The following CPS1 variants were observed in gnomAD, a reference collection of about 807,000 sequenced individuals.
The protein encoded by CPS1 is carbamoyl-phosphate synthase 1.
In CPS1, 109 loss-of-function variants were observed where a neutral mutation model predicts 174.6. The observed-to-expected ratio is 0.62, with a 90% CI of 0.53 to 0.73. CPS1 has a LOEUF of 0.73. CPS1 is among the 30% of genes least tolerant of loss of function. CPS1 has a pLI of 0.00. For missense variants in CPS1, 1,689 were observed against 1,821.9 expected, an observed-to-expected ratio of 0.93 and a Z score of 1.33; for synonymous variants, 637 against 632.0, an observed-to-expected ratio of 1.01 and a Z score of -0.12.
Position 210,663,216 on chromosome 2 carries a change from A to G in CPS1, c.4002+19A>G, listed in dbSNP as rs1430596417. On this transcript the variant is annotated intron_variant, in intron 33 of 37. Coordinates refer to ENST00000233072, the MANE Select transcript of CPS1 (RefSeq NM_001875.5). Reference sequence around the variant, plus strand: ...TGGAGAGGTAACTAGTTAATAATCCATGGAAGCTTTCATTAAATCTACTTT... The same window carrying G: ...TGGAGAGGTAACTAGTTAATAATCCGTGGAAGCTTTCATTAAATCTACTTT... 3 of 1,600,544 alleles carry G rather than the reference A, an allele frequency of 1.9e-6. No homozygotes were observed. Among genetic ancestry groups the G allele is most frequent in the African/African-American group, 2.7e-5 (2 of 74,584 alleles).
chr2:210,603,907 C>T (rs887789371), intron 16 of CPS1, among the ~76,000 whole-genome samples: 5 of 151,722 alleles, frequency 3.3e-5, no homozygotes, highest in South Asian at 2.1e-4. Context: ...TACATAAAAT[C>T]GAAGACTTCA....
intron 1 of CPS1, among the ~76,000 whole-genome samples, chr2:210,570,462 A>C (rs1227077691): frequency 1.3e-5 from 2 of 151,956 alleles, no homozygotes; most frequent in Non-Finnish European, 1.5e-5. Flanking sequence ...TAAAATGATC[A>C]GAAAGTGTCT....
chr2:210,489,654 A>C (rs1366012734), intron 1 of CPS1, among the ~76,000 whole-genome samples: 2 of 152,138 alleles, frequency 1.3e-5, no homozygotes, highest in East Asian at 3.8e-4. Flanking sequence ...AAACCAAAAA[A>C]ATCATAAAGT....
chr2:210,670,090 G>A (rs1701246764), intron 34 of CPS1, among the ~76,000 whole-genome samples: 1 of 152,110 alleles, frequency 6.6e-6, no homozygotes, highest in Admixed American at 6.6e-5. Context: ...AGTAGTGAGA[G>A]CTGGCTATTG....
chr2:210,513,047 TATATATATATGGAG>T (rs1267299178), intron 1 of CPS1, among the ~76,000 whole-genome samples: 2 of 12,768 alleles, frequency 1.6e-4, no homozygotes, highest in Admixed American at 1.0e-3. Flanking sequence ...TATATGGAGA[TATATATATATGGAG>T]ATATATATGT....
intron 6 of CPS1, among the ~76,000 whole-genome samples, chr2:210,585,499 A>G (rs747927229): frequency 6.6e-6 from 1 of 151,974 alleles, no homozygotes; most frequent in Non-Finnish European, 1.5e-5. Context: ...ATTATATGAG[A>G]TGGGTATTAT....
chr2:210,594,092 T>A (rs1274792455), intron 11 of CPS1, among the ~76,000 whole-genome samples: 2 of 151,868 alleles, frequency 1.3e-5, no homozygotes, highest in African/African-American at 4.8e-5. Flanking sequence ...AAGAATAATC[T>A]TCAGAAACTG....
chr2:210,555,553 T>TA, upstream of CPS1: 8 of 448,406 alleles, frequency 1.8e-5, 1 homozygote, highest in South Asian at 1.1e-4. Context: ...TGTTCCTCTT[T>TA]AAAAAAATCC....
chr2:210,549,436 A>G (rs1432819529), intron 1 of CPS1, among the ~76,000 whole-genome samples: 1 of 152,052 alleles, frequency 6.6e-6, no homozygotes, highest in Non-Finnish European at 1.5e-5. Flanking sequence ...TGTAAAATTT[A>G]TGTTGTAGGC....
intron 19 of CPS1, 119 bp from the exon 20 acceptor site, chr2:210,611,998 T>G (rs1699141203): frequency 6.6e-6 from 6 of 907,278 alleles, no homozygotes; most frequent in Non-Finnish European, 1.0e-5. Context: ...TTGAGAGGCT[T>G]TATGATATAT....
intron 1 of CPS1, among the ~76,000 whole-genome samples, chr2:210,482,660 GAGAGAGAGAGAGAGAA>G (rs1694604110): frequency 1.1e-5 from 1 of 93,836 alleles, no homozygotes; most frequent in Admixed American, 1.1e-4. Context: ...ATGCTGGTGA[GAGAGAGAGAGAGAGAA>G]AGAGAGAGAG....
intron 1 of CPS1, among the ~76,000 whole-genome samples, chr2:210,500,630 C>T (rs983717496): frequency 2.6e-5 from 4 of 152,346 alleles, no homozygotes; most frequent in African/African-American, 9.6e-5. Flanking sequence ...CCAGGTCACA[C>T]TGATGCAAGA....
chr2:210,568,488 C>G (rs1306646773), intron 1 of CPS1, among the ~76,000 whole-genome samples: 1 of 151,980 alleles, frequency 6.6e-6, no homozygotes, highest in African/African-American at 2.4e-5. Context: ...GGATTTTTGT[C>G]TTGGGTGGCC....
intron 13 of CPS1, among the ~76,000 whole-genome samples, chr2:210,598,640 GT>G (rs1434604294): frequency 9.2e-5 from 14 of 151,862 alleles, no homozygotes; most frequent in African/African-American, 3.4e-4. Flanking sequence ...ATAGTAATGG[GT>G]TCAATTCAAG....
At position 210,593,297 on chromosome 2, in the gene CPS1, T is replaced by C. The variant is rs552706056; in HGVS notation, c.1164+341T>C. 15 of 1,078,354 alleles carry C rather than the reference T, an allele frequency of 1.4e-5. No individual in the cohort carries two copies. The South Asian group carries it at 3.2e-4, about 23-fold the overall frequency. 66.8% of individuals were successfully genotyped at this position (1,078,354 alleles called of 1,614,324 possible). On this transcript the variant is annotated intron_variant, in intron 11 of 37. Transcript: ENST00000233072. Reference sequence around the variant, plus strand: ...CTCTCTCTCGTTCTCATGACTGAAATGAAATTTTAATCCCCCATCTGTGAC... The same window carrying C: ...CTCTCTCTCGTTCTCATGACTGAAACGAAATTTTAATCCCCCATCTGTGAC...
intron 36 of CPS1, 45 bp from the exon 37 acceptor site, chr2:210,676,962 A>G (rs776903501): frequency 7.5e-6 from 12 of 1,595,054 alleles, no homozygotes; most frequent in Non-Finnish European, 9.5e-6. Flanking sequence ...TAAACTAACT[A>G]TAAAATATGC....
chr2:210,632,297 A>G (rs563721332), intron 21 of CPS1, among the ~76,000 whole-genome samples: 1 of 152,370 alleles, frequency 6.6e-6, no homozygotes, highest in East Asian at 1.9e-4. Flanking sequence ...GAGTCTCCAC[A>G]TTGTTAAATG....
intron 33 of CPS1, 87 bp from the exon 34 acceptor site, chr2:210,668,099 T>A: frequency 1.3e-6 from 1 of 772,020 alleles, no homozygotes; most frequent in South Asian, 1.4e-5. Flanking sequence ...TGTGTGTGTG[T>A]GTGTGTATTT....
chr2:210,634,284 G>T (rs957840895), intron 21 of CPS1, among the ~76,000 whole-genome samples: 9 of 152,130 alleles, frequency 5.9e-5, no homozygotes, highest in African/African-American at 2.2e-4. Flanking sequence ...CAAAAAATTA[G>T]CCAGGCGTGA....
Sources: gnomAD v4.1 joint callset for allele counts (sites outside exome capture counted in the v4.1 genomes callset) on GRCh38, gnomAD v4.1.1 for gene constraint, MANE v1.5 for transcripts, NCBI Gene and HGNC (gene_info 2026-07-23, HGNC 2026-07-21) for gene names.